MXI1: variants seen among roughly 807,000 people sequenced by gnomAD.
The protein encoded by MXI1 is MAX interactor 1, dimerization protein.
A neutral mutation model predicts 36.9 loss-of-function variants in MXI1; 18 were observed. The observed-to-expected ratio is 0.49, with a 90% CI of 0.34 to 0.72. The LOEUF is 0.72. Ranked by LOEUF, MXI1 falls within the 30% of genes least tolerant of loss-of-function variation. The probability of loss-of-function intolerance (pLI) is 0.01; values close to 1 mark genes in which losing one functional copy is unlikely to be tolerated. For synonymous variants in MXI1, 160 were observed against 146.7 expected (o/e 1.09, Z -0.65); for missense variants, 304 against 379.1 (o/e 0.80, Z 1.64).
chr10:110,286,371 C>G lies in MXI1; in HGVS notation c.*1384C>G, dbSNP rs936466759. ...CTTTGATGTCATGTGTTCCCTTTGT[C>G]TTTCAAACTCCAAGGTTCCCTTGTG... is the stretch of plus-strand genomic sequence containing the variant. On this transcript the variant is annotated 3_prime_UTR_variant, in exon 6 of 6. Transcript: ENST00000332674. 2.6e-5 allele frequency: 4 copies of G among 152,334 alleles called. No individual in the cohort carries two copies. The highest frequency in any genetic ancestry group is 9.7e-5 in the African/African-American group (4 of 41,336). 9.4% of individuals were successfully genotyped at this position (152,334 alleles called of 1,614,324 possible).
intron 1 of MXI1, among the ~76,000 whole-genome samples, chr10:110,216,666 T>TTTTTTG (rs1854648800): frequency 1.0e-3 from 1 of 964 alleles, no homozygotes; most frequent in South Asian, 0.033. Context: ...GTGTTTAATG[T>TTTTTTG]TTTTTTTTTT....
intron 1 of MXI1, among the ~76,000 whole-genome samples, chr10:110,209,559 T>C (rs1225207454): frequency 6.6e-6 from 1 of 152,266 alleles, no homozygotes; most frequent in Non-Finnish European, 1.5e-5. Flanking sequence ...TGCGTTCTTT[T>C]CTTTCTCTTC....
chr10:110,222,697 T>C (rs1474790943), intron 1 of MXI1, among the ~76,000 whole-genome samples: 1 of 152,226 alleles, frequency 6.6e-6, no homozygotes, highest in Non-Finnish European at 1.5e-5. Flanking sequence ...CAGTAGACTT[T>C]GGAAGCCTTG....
chr10:110,249,424 CA>C (rs1482673673), intron 3 of MXI1, among the ~76,000 whole-genome samples: 2 of 151,638 alleles, frequency 1.3e-5, no homozygotes, highest in African/African-American at 2.4e-5. Context: ...ACATTAAATA[CA>C]AAAATTAGAC....
chr10:110,222,067 T>A (rs1854826278), intron 1 of MXI1, among the ~76,000 whole-genome samples: 1 of 152,178 alleles, frequency 6.6e-6, no homozygotes, highest in Admixed American at 6.6e-5. Context: ...GCTGACTCAC[T>A]GGGCGAGGGA....
chr10:110,238,308 G>C (rs1855541952), intron 2 of MXI1, among the ~76,000 whole-genome samples: 1 of 152,130 alleles, frequency 6.6e-6, no homozygotes, highest in South Asian at 2.1e-4. Flanking sequence ...CCTATCCTGA[G>C]TTATCTCTCC....
At chr10:110,208,411 C>T in intron 1 of MXI1, 1 of 160,908 alleles carries the variant, frequency 6.2e-6, no homozygotes, top group Non-Finnish European at 1.3e-5. Context: ...TTTGAGGTCG[C>T]TTTTCTTCCT....
At chr10:110,247,487 C>T (rs921638801) in intron 3 of MXI1, among the ~76,000 whole-genome samples, 6 of 152,062 alleles carry the variant, frequency 3.9e-5, no homozygotes, top group East Asian at 1.9e-4. Context: ...ATGGTATTAC[C>T]GAGGTTTTCT....
At chr10:110,260,873 TG>T in intron 3 of MXI1, 1 of 332,596 alleles carries the variant, frequency 3.0e-6, no homozygotes, top group Non-Finnish European at 4.3e-6. Flanking sequence ...GTAGTTAATC[TG>T]GTAAGCATTA....
intron 2 of MXI1, among the ~76,000 whole-genome samples, chr10:110,237,550 T>G (rs898053057): frequency 2.0e-5 from 3 of 152,238 alleles, no homozygotes; most frequent in African/African-American, 7.2e-5. Flanking sequence ...TCATGTTGTA[T>G]TTTGTACTGT....
chr10:110,249,442 G>A (rs998479735), intron 3 of MXI1, among the ~76,000 whole-genome samples: 1 of 151,978 alleles, frequency 6.6e-6, no homozygotes, highest in Non-Finnish European at 1.5e-5. Context: ...AGACAGGCAT[G>A]GTGGTGCATC....
chr10:110,237,274 G>A (rs1387588659), intron 2 of MXI1, among the ~76,000 whole-genome samples: 1 of 152,112 alleles, frequency 6.6e-6, no homozygotes, highest in East Asian at 1.9e-4. Context: ...TTCTTGCCCT[G>A]TTCCTGATCT....
chr10:110,229,658 T>G (rs1590345289), intron 2 of MXI1, among the ~76,000 whole-genome samples: 1 of 152,362 alleles, frequency 6.6e-6, no homozygotes, highest in East Asian at 1.9e-4. Flanking sequence ...ATAAGCTTGA[T>G]GTACTATCTG....
intron 1 of MXI1, among the ~76,000 whole-genome samples, chr10:110,221,183 G>A (rs781163833): frequency 2.6e-4 from 39 of 152,172 alleles, no homozygotes; most frequent in South Asian, 4.1e-4. Context: ...ATGCAACTTC[G>A]TCTTGATATT....
intron 3 of MXI1, among the ~76,000 whole-genome samples, chr10:110,247,391 T>G (rs185296746): frequency 2.0e-3 from 304 of 152,334 alleles, no homozygotes; most frequent in African/African-American, 7.2e-3. Context: ...TTTAGTTTAA[T>G]TACATCCCAT....
intron 1 of MXI1, among the ~76,000 whole-genome samples, chr10:110,217,492 C>G (rs1854682673): frequency 6.6e-6 from 1 of 152,186 alleles, no homozygotes; most frequent in African/African-American, 2.4e-5. Context: ...GGGCCCAGAA[C>G]TACCTTATGG....
intron 1 of MXI1, among the ~76,000 whole-genome samples, chr10:110,217,431 G>C (rs12256823): frequency 0.25 from 37,917 of 152,078 alleles, 6,034 homozygotes; most frequent in African/African-American, 0.46. Flanking sequence ...CATGCCCAGG[G>C]CTGCTCTGGG....
At chr10:110,221,588 A>G (rs1854807458) in intron 1 of MXI1, among the ~76,000 whole-genome samples, 1 of 152,226 alleles carries the variant, frequency 6.6e-6, no homozygotes, top group Admixed American at 6.5e-5. Context: ...TTGAGAGATT[A>G]ACACATCCAT....
chr10:110,265,161 C>T (rs190315530), intron 3 of MXI1, among the ~76,000 whole-genome samples: 1 of 152,266 alleles, frequency 6.6e-6, no homozygotes, highest in Non-Finnish European at 1.5e-5. Flanking sequence ...GATGCTAGTA[C>T]AGGCCCAACA....
Sources: gnomAD v4.1 joint callset for allele counts (sites outside exome capture counted in the v4.1 genomes callset) on GRCh38, gnomAD v4.1.1 for gene constraint, MANE v1.5 for transcripts, NCBI Gene and HGNC (gene_info 2026-07-23, HGNC 2026-07-21) for gene names.